The following FER1L6 variants were observed in gnomAD, a reference collection of about 807,000 sequenced individuals.
FER1L6 encodes the protein fer-1 like family member 6.
In FER1L6, 177 loss-of-function variants were observed where a neutral mutation model predicts 219.2. That is an observed-to-expected ratio of 0.81 (90% CI 0.71 to 0.91). The LOEUF is 0.91. Ranked by LOEUF, FER1L6 falls within the 40% of genes least tolerant of loss-of-function variation. The pLI is 0.00. For synonymous variants in FER1L6, 768 were observed against 824.3 expected (o/e 0.93, Z 1.17); for missense variants, 2,153 against 2,259.9 (o/e 0.95, Z 0.96).
At chr8:124,077,346 A>G (rs1286908659) in intron 32 of FER1L6, among the ~76,000 whole-genome samples, 4 of 152,158 alleles carry the variant, frequency 2.6e-5, no homozygotes, top group Non-Finnish European at 5.9e-5. Flanking sequence ...AGTGTGTTTA[A>G]TTTCTTTTAT....
intron 1 of FER1L6, among the ~76,000 whole-genome samples, chr8:123,864,713 C>T (rs534181130): frequency 3.1e-4 from 46 of 149,510 alleles, no homozygotes; most frequent in Middle Eastern, 3.4e-3. Context: ...CTTCCCTTCT[C>T]GCTTCATTTC....
intron 39 of FER1L6, 46 bp downstream of exon 39, chr8:124,103,355 G>T (rs772574164): frequency 1.3e-6 from 2 of 1,574,660 alleles, no homozygotes; most frequent in East Asian, 4.5e-5. Context: ...GAAGTTGGGG[G>T]CATCATGCTT....
Position 124,070,470 on chromosome 8 carries a change from T to C in FER1L6, c.3838T>C (p.Tyr1280His), listed in dbSNP as rs574258216. Residue 1280 changes from tyrosine to histidine, a missense_variant, in exon 30 of 41, where the codon TAT becomes CAT. By Grantham distance (83) the Tyr-to-His change is moderately conservative. Transcript: ENST00000522917. Reference protein sequence around the residue: ...GIPNLAILQIYDGDLESEFNN... With the variant: ...GIPNLAILQIHDGDLESEFNN... Reference sequence around the variant, plus strand: ...ATCTTCTCCCTTTTCCCTAAAGATATATGACGGTGATCTCGAGAGTGAATT... The same window carrying C: ...ATCTTCTCCCTTTTCCCTAAAGATACATGACGGTGATCTCGAGAGTGAATT... 142 of 1,613,530 alleles carry C rather than the reference T, an allele frequency of 8.8e-5. 2 individuals are homozygous for C. The South Asian group carries it at 1.5e-3, about 17-fold the overall frequency.
At position 123,977,650 on chromosome 8, in the gene FER1L6, G is replaced by A. The variant is rs751795795; in HGVS notation, c.1063+41G>A. ...TCTGACTTGAAAAATGTCTCAAAATGCTTGCTTTAGAGCCCTCATCTTTAA... is the reference window on the plus strand; with the variant it reads ...TCTGACTTGAAAAATGTCTCAAAATACTTGCTTTAGAGCCCTCATCTTTAA... On this transcript the variant is annotated intron_variant, in intron 10 of 40. Transcript: ENST00000522917. The A allele has an allele frequency of 4.4e-6, 7 of 1,586,366 alleles. No individual in the cohort carries two copies. In the Admixed American group the frequency reaches 5.1e-5, roughly 12 times the overall value.
intron 3 of FER1L6, among the ~76,000 whole-genome samples, chr8:123,965,670 C>T (rs926938385): frequency 5.9e-5 from 9 of 152,306 alleles, no homozygotes; most frequent in African/African-American, 2.2e-4. Context: ...GCTGAGGCAT[C>T]TCAGTTTCTC....
intron 1 of FER1L6, among the ~76,000 whole-genome samples, chr8:123,910,025 C>T (rs1172097098): frequency 2.0e-5 from 3 of 152,148 alleles, no homozygotes; most frequent in African/African-American, 7.2e-5. Flanking sequence ...AAAAAATTTA[C>T]TTTGTTGTTG....
Position 123,853,657 on chromosome 8 carries a change from A to G in FER1L6, c.-8+1472A>G, listed in dbSNP as rs1233353301. Among the ~76,000 whole-genome samples, 1 of 152,192 alleles carries G rather than the reference A, an allele frequency of 6.6e-6. No homozygotes were observed. The highest frequency in any genetic ancestry group is 6.5e-5 in the Admixed American group (1 of 15,280). ...GCCTCACCACGGGCAAGCGTGGAGT[A>G]ACATATTTTGAGAGAACCTATCCAA... On this transcript the variant is annotated intron_variant, in intron 1 of 40. Transcript: ENST00000522917. This position sits in a 1 kb window ranked among gnomAD's most constrained non-coding sequence, Gnocchi z 6.6.
Position 124,010,619 on chromosome 8 carries a change from G to A in FER1L6, c.1726G>A (p.Ala576Thr). The change falls in exon 14 of 41, where the codon GCT becomes ACT. Residue 576 changes from alanine to threonine, a missense_variant. Coordinates refer to ENST00000522917, the MANE Select transcript of FER1L6 (RefSeq NM_001039112.2). ...NRNYNYLPFE[A>T]KKPCVYFISS... Reference sequence around the variant, plus strand: ...GAATTACAACTATTTGCCATTTGAGGCTAAGAAGCCCTGTGTCTATTTCAT... The same window carrying A: ...GAATTACAACTATTTGCCATTTGAGACTAAGAAGCCCTGTGTCTATTTCAT... The A allele has an allele frequency of 6.2e-7, 1 of 1,613,912 alleles. No homozygotes were observed. Among genetic ancestry groups the A allele is most frequent in the Non-Finnish European group, 8.5e-7 (1 of 1,179,910 alleles).
At chr8:123,865,795 C>G (rs1816826085) in intron 1 of FER1L6, among the ~76,000 whole-genome samples, 1 of 151,458 alleles carries the variant, frequency 6.6e-6, no homozygotes, top group African/African-American at 2.5e-5. Flanking sequence ...ACTCCCTGAC[C>G]ACTTGCGCTT....
chr8:124,049,890 G>T lies in FER1L6; in HGVS notation c.2874+134G>T, dbSNP rs571775975. On this transcript the variant is annotated intron_variant, in intron 22 of 40. Transcript: ENST00000522917. ...CCCACATCTGAATGTGTCTCCTGGG[G>T]ACCTGAGAGGTGCGCTTAAGAACTC... 10 of 874,432 alleles carry T rather than the reference G, an allele frequency of 1.1e-5. No individual in the cohort carries two copies. In the South Asian group the frequency reaches 1.4e-4, roughly 13 times the overall value. 54.2% of individuals were successfully genotyped at this position (874,432 alleles called of 1,614,324 possible).
chr8:123,945,669 CT>C (rs1198934249), intron 1 of FER1L6, among the ~76,000 whole-genome samples: 1 of 152,178 alleles, frequency 6.6e-6, no homozygotes, highest in African/African-American at 2.4e-5. Context: ...CAAATTTTAA[CT>C]GATTTATAGA....
At chr8:123,871,531 C>T (rs887532797) in intron 1 of FER1L6, among the ~76,000 whole-genome samples, 14 of 152,012 alleles carry the variant, frequency 9.2e-5, no homozygotes, top group Admixed American at 8.5e-4. Context: ...GAAAGAGGTT[C>T]GCATGACCAA....
At chr8:124,064,294 C>G (rs556610684) in intron 25 of FER1L6, 53 bp from the exon 26 acceptor site, 20 of 1,456,020 alleles carry the variant, frequency 1.4e-5, no homozygotes, top group Non-Finnish European at 1.8e-5. Flanking sequence ...GTCCCTGAAA[C>G]GACCACCCTG....
chr8:123,977,485 G>T lies in FER1L6; in HGVS notation c.939G>T (p.Met313Ile). 7 of 1,614,118 alleles carry T rather than the reference G, an allele frequency of 4.3e-6. No homozygotes were observed. Among genetic ancestry groups the T allele is most frequent in the Non-Finnish European group, 4.2e-6 (5 of 1,180,008 alleles). The change falls in exon 10 of 41, where the codon ATG becomes ATT. Residue 313 changes from methionine (M) to isoleucine (I), a missense_variant. Physicochemically the swap from Met to Ile is conservative, Grantham distance 10 (BLOSUM62 1). Coordinates refer to ENST00000522917, the MANE Select transcript of FER1L6 (RefSeq NM_001039112.2). Reference sequence around the variant, plus strand: ...ATGAACAGGTGATCTTCAAGGAAATGTTCCCTCCCTTGTGTCGGAGGGTGA... The same window carrying T: ...ATGAACAGGTGATCTTCAAGGAAATTTTCCCTCCCTTGTGTCGGAGGGTGA... ...VWHEQVIFKE[M>I]FPPLCRRVKI...
At chr8:123,968,652 C>CAT (rs1815665022) in intron 5 of FER1L6, among the ~76,000 whole-genome samples, 1 of 152,130 alleles carries the variant, frequency 6.6e-6, no homozygotes, top group Non-Finnish European at 1.5e-5. Flanking sequence ...AAAGTTTAAG[C>CAT]ATATATATGA....
chr8:123,990,323 C>T (rs956084710), intron 12 of FER1L6, among the ~76,000 whole-genome samples: 1 of 152,144 alleles, frequency 6.6e-6, no homozygotes, highest in Non-Finnish European at 1.5e-5. Flanking sequence ...AGAGATTGTA[C>T]TGATTTACAT....
intron 1 of FER1L6, among the ~76,000 whole-genome samples, chr8:123,854,363 A>C (rs1050893378): frequency 6.6e-6 from 1 of 152,144 alleles, no homozygotes; most frequent in Non-Finnish European, 1.5e-5. Context: ...GCACACCCAG[A>C]TGTCTGCGTG....
chr8:123,889,857 G>C lies in FER1L6; in HGVS notation c.-8+37672G>C, dbSNP rs193077763. ...AGAAAAGAAAATTTAGGACAAGACA[G>C]TCCAAGCATGTTACAGATGGTCTGC... On this transcript the variant is annotated intron_variant, in intron 1 of 40. Transcript: ENST00000522917. Among the ~76,000 whole-genome samples, 346 of 152,156 alleles carry C rather than the reference G, an allele frequency of 2.3e-3. 4 individuals are homozygous for C. Among genetic ancestry groups the C allele is most frequent in the African/African-American group, 7.9e-3 (330 of 41,568 alleles).
chr8:124,091,647 AT>A (rs1372560782), intron 34 of FER1L6, 64 bp downstream of exon 34: 3 of 1,546,164 alleles, frequency 1.9e-6, no homozygotes, highest in Non-Finnish European at 2.6e-6. Context: ...TTCTAGTGAT[AT>A]TTTTGGCTAT....
Sources: gnomAD v4.1 joint callset for allele counts (sites outside exome capture counted in the v4.1 genomes callset) on GRCh38, gnomAD v4.1.1 for gene constraint, Gnocchi (gnomAD v3.1) non-coding constraint, MANE v1.5 for transcripts, NCBI Gene and HGNC (gene_info 2026-07-23, HGNC 2026-07-21) for gene names.